Variants in ANAPC1 observed in about 807,000 individuals in gnomAD.
The protein encoded by ANAPC1 is anaphase promoting complex subunit 1.
ANAPC1 carries 36 observed loss-of-function variants against 208.0 expected under a neutral mutation model. The ratio of observed to expected loss-of-function variants is 0.17; its 90% confidence interval spans 0.13 to 0.23. The LOEUF (loss-of-function observed/expected upper bound fraction) is 0.23. Among genes scored for constraint, ANAPC1 ranks in the 10% least tolerant of loss-of-function variants. The probability of loss-of-function intolerance (pLI) is 1.00; values close to 1 mark genes in which losing one functional copy is unlikely to be tolerated. For synonymous variants in ANAPC1, 378 were observed against 695.2 expected (o/e 0.54, Z 7.18); for missense variants, 942 against 2,011.6 (o/e 0.47, Z 10.17).
In ANAPC1 at chr2:111,833,221, T is replaced by C. The variant is rs756420715; in HGVS notation, c.2475A>G (p.Pro825=). The C allele has an allele frequency of 5.7e-6, 9 of 1,586,780 alleles. No individual in the cohort carries two copies. In the African/African-American group the frequency reaches 1.2e-4, roughly 21 times the overall value. The change falls in exon 20 of 48, where the codon CCA becomes CCG. Residue 825 remains proline, a splice_region_variant and synonymous_variant. Transcript: ENST00000341068. ...RTTGQVCTID[P]GQTGFMHHPS... ...ATATTTAAAAGCACGACTACTTACC[T>C]GGATCAATTGTGCACACTTGTCCAG...
chr2:111,848,473 G>A (rs1046583627), intron 14 of ANAPC1, among the ~76,000 whole-genome samples: 1 of 151,760 alleles, frequency 6.6e-6, no homozygotes, highest in South Asian at 2.1e-4. Context: ...AACCTTACAG[G>A]GCTAAAGACT....
chr2:111,824,481 G>A (rs10209538), intron 24 of ANAPC1, among the ~76,000 whole-genome samples: 11,476 of 152,008 alleles, frequency 0.075, 590 homozygotes, highest in South Asian at 0.21. Flanking sequence ...GGGGAATAGG[G>A]AATATAGAAC....
chr2:111,877,024 C>T (rs1020096519), intron 3 of ANAPC1, among the ~76,000 whole-genome samples: 1 of 151,730 alleles, frequency 6.6e-6, no homozygotes, highest in Non-Finnish European at 1.5e-5. Context: ...CATTTGTGTA[C>T]ATATGGGATT....
At chr2:111,869,253 A>T (rs970146029) in intron 6 of ANAPC1, among the ~76,000 whole-genome samples, 10 of 150,558 alleles carry the variant, frequency 6.6e-5, no homozygotes, top group South Asian at 2.1e-4. Flanking sequence ...CTTGTTATTT[A>T]TTTTTTTTTT....
At chr2:111,824,258 A>C (rs1382487878) in intron 24 of ANAPC1, among the ~76,000 whole-genome samples, 2 of 145,574 alleles carry the variant, frequency 1.4e-5, no homozygotes, top group South Asian at 2.2e-4. Context: ...AAAAAAAAAA[A>C]CCTGTCAGAA....
intron 14 of ANAPC1, among the ~76,000 whole-genome samples, chr2:111,848,301 G>C (rs1018337114): frequency 1.3e-5 from 2 of 151,612 alleles, no homozygotes; most frequent in African/African-American, 2.4e-5. Context: ...AGATCTAGGA[G>C]AGAAGGCAAC....
At chr2:111,766,575 C>A (rs1213299926), downstream of ANAPC1, 1 of 205,180 alleles carries the variant, frequency 4.9e-6, no homozygotes, top group Admixed American at 5.3e-5. Flanking sequence ...GTGATCCTCA[C>A]ACAGTGAGAC....
intron 46 of ANAPC1, among the ~76,000 whole-genome samples, chr2:111,775,134 C>T (rs112849749): frequency 6.6e-6 from 1 of 152,100 alleles, no homozygotes; most frequent in Admixed American, 6.5e-5. Flanking sequence ...GGTGTGGTGG[C>T]GTGCACCTGT....
chr2:111,839,163 G>A (rs1056308913), intron 17 of ANAPC1, among the ~76,000 whole-genome samples: 1 of 152,190 alleles, frequency 6.6e-6, no homozygotes, highest in African/African-American at 2.4e-5. Context: ...TGACTGGAAT[G>A]CAGTCAACCA....
intron 28 of ANAPC1, among the ~76,000 whole-genome samples, chr2:111,810,935 G>A (rs1430078594): frequency 6.7e-6 from 1 of 149,346 alleles, no homozygotes; most frequent in East Asian, 2.0e-4. Context: ...GGCTGGAGAA[G>A]TGAACAGGAT....
chr2:111,858,062 A>G lies in ANAPC1; in HGVS notation c.1358+244T>C, dbSNP rs560823225. Among the ~76,000 whole-genome samples, 66 of 152,272 alleles carry G rather than the reference A, an allele frequency of 4.3e-4. 1 individual carries two copies. In the Middle Eastern group the frequency reaches 0.017, roughly 40 times the overall value. Reference sequence around the variant, plus strand: ...GGAAATGGGAACAAGACTGACTACAAACAAGCACAAGGAAATCTTTTTATG... The same window carrying G: ...GGAAATGGGAACAAGACTGACTACAGACAAGCACAAGGAAATCTTTTTATG... On this transcript the variant is annotated intron_variant, in intron 11 of 47. Coordinates refer to ENST00000341068, the MANE Select transcript of ANAPC1 (RefSeq NM_022662.4).
intron 1 of ANAPC1, among the ~76,000 whole-genome samples, chr2:111,883,176 A>AG (rs1683410262): frequency 8.0e-6 from 1 of 125,112 alleles, no homozygotes; most frequent in African/African-American, 2.8e-5. Flanking sequence ...AAAAAAAAAA[A>AG]AAAAAAGAAA....
chr2:111,850,995 T>C (rs1681363849), intron 13 of ANAPC1, 85 bp from the exon 14 acceptor site: 11 of 1,439,186 alleles, frequency 7.6e-6, no homozygotes, highest in East Asian at 2.5e-5. Flanking sequence ...AATATAAACA[T>C]ATATTTCTTT....
Position 111,850,782 on chromosome 2 carries a change from C to T in ANAPC1, c.1644G>A (p.Leu548=). 1 of 1,611,664 alleles carries T rather than the reference C, an allele frequency of 6.2e-7. No individual in the cohort carries two copies. The highest frequency in any genetic ancestry group is 8.5e-7 in the Non-Finnish European group (1 of 1,179,804). Residue 548 remains leucine (L), a synonymous_variant, in exon 14 of 48, where the codon TTG becomes TTA. Transcript: ENST00000341068. ...CACCTAGTCCTTTTCTTACCTCGTC[C>T]AATGATCCAAGGAGTTTACTAAGAG... ...PKPLSKLLGS[L]DEVVLLSPVP... is the part of the protein sequence containing the mutation.
chr2:111,858,350 C>T lies in ANAPC1; in HGVS notation c.1314G>A (p.Gly438=). 1.2e-6 allele frequency: 2 copies of T among 1,613,738 alleles called. No homozygotes were observed. The highest frequency in any genetic ancestry group is 8.5e-7 in the Non-Finnish European group (1 of 1,179,770). ...SKVFITSDLC[G]QKFLCFLVES... is the part of the protein sequence containing the mutation. ...CTACTAAAAAGCACAGGAACTTTTG[C>T]CCACATAGGTCAGATGTAATAAACA... is the stretch of plus-strand genomic sequence containing the variant. The change falls in exon 11 of 48, where the codon GGG becomes GGA. Residue 438 remains glycine (G), a synonymous_variant. Transcript: ENST00000341068.
At chr2:111,795,103 G>A (rs1424112708) in intron 34 of ANAPC1, 3 of 389,828 alleles carry the variant, frequency 7.7e-6, no homozygotes, top group African/African-American at 6.1e-5. Context: ...AATAATTAAG[G>A]GCAGGCATGG....
intron 21 of ANAPC1, among the ~76,000 whole-genome samples, chr2:111,829,311 C>T (rs777187127): frequency 2.0e-5 from 3 of 152,110 alleles, no homozygotes; most frequent in Non-Finnish European, 4.4e-5. Context: ...AAACATCATT[C>T]TGTATGTCTG....
Position 111,827,229 on chromosome 2 carries a change from G to A in ANAPC1, c.2626-1374C>T, listed in dbSNP as rs539864097. Among the ~76,000 whole-genome samples the A allele has an allele frequency of 2.6e-5, 4 of 151,862 alleles. No individual in the cohort carries two copies. In the East Asian group the frequency reaches 7.8e-4, roughly 29 times the overall value. On this transcript the variant is annotated intron_variant, in intron 21 of 47. Transcript: ENST00000341068. ...GCTGTAGTGTTATTTGCTTTGAAGA[G>A]GAAAAGAAAAAGATAACACAAAGGA...
At chr2:111,824,828 A>C (rs1573399660) in intron 24 of ANAPC1, 138 bp downstream of exon 24, 1 of 921,728 alleles carries the variant, frequency 1.1e-6, no homozygotes, top group Non-Finnish European at 1.6e-6. Flanking sequence ...AGAAAAAAAG[A>C]ATATGGCTTG....
Sources: gnomAD v4.1 joint callset for allele counts (sites outside exome capture counted in the v4.1 genomes callset) on GRCh38, gnomAD v4.1.1 for gene constraint, MANE v1.5 for transcripts, NCBI Gene and HGNC (gene_info 2026-07-23, HGNC 2026-07-21) for gene names.